MSANTD5: variants seen among roughly 807,000 people sequenced by gnomAD.
MSANTD5 encodes Myb/SANT DNA binding domain containing 5.
chr5:178,695,664 T>C (rs1158363865), intron 2 of MSANTD5, 66 bp from the exon 3 acceptor site: 2 of 152,178 alleles, frequency 1.3e-5, no homozygotes, highest in African/African-American at 4.8e-5. Context: ...GGATCCTGCC[T>C]CTACATGGAC....
At chr5:178,697,589 C>G (rs1046423591) in exon 1 of MSANTD5, 1 of 152,240 alleles carries the variant, frequency 6.6e-6, no homozygotes, top group Non-Finnish European at 1.5e-5. Context: ...AACTTGCCTC[C>G]ATTTTTACTC....
upstream of MSANTD5, among the ~76,000 whole-genome samples, chr5:178,701,143 T>C (rs1425326227): frequency 6.6e-6 from 1 of 151,992 alleles, no homozygotes; most frequent in Non-Finnish European, 1.5e-5. Context: ...CCGGCTAATT[T>C]TTTTTGTATT....
At chr5:178,698,948 T>C (rs1318015195), upstream of MSANTD5, among the ~76,000 whole-genome samples, 1 of 151,936 alleles carries the variant, frequency 6.6e-6, no homozygotes, top group East Asian at 1.9e-4. Context: ...CTTTGCTTCT[T>C]TCCATGTCAT....
At chr5:178,694,370 G>T (rs1401556296), downstream of MSANTD5, among the ~76,000 whole-genome samples, 1 of 150,786 alleles carries the variant, frequency 6.6e-6, no homozygotes, top group Non-Finnish European at 1.5e-5. Flanking sequence ...GGAAATGAAG[G>T]CAGGATTGAG....
upstream of MSANTD5, among the ~76,000 whole-genome samples, chr5:178,700,134 C>A (rs1384149988): frequency 6.6e-6 from 1 of 152,122 alleles, no homozygotes; most frequent in African/African-American, 2.4e-5. Context: ...TCCTGCAGGC[C>A]CCCGTCGCCC....
At chr5:178,697,322 CG>C (rs1430028494) in intron 1 of MSANTD5, among the ~76,000 whole-genome samples, 1 of 150,254 alleles carries the variant, frequency 6.7e-6, no homozygotes, top group Non-Finnish European at 1.5e-5. Context: ...GGCGTGGTGG[CG>C]GGCGCCTGTA....
At chr5:178,703,931 A>C in the MSANTD5 span, among the ~76,000 whole-genome samples, 5 of 151,126 alleles carry the variant, frequency 3.3e-5, no homozygotes, top group African/African-American at 1.2e-4. Context: ...CAGTGAGCCG[A>C]GATCACGCCA....
upstream of MSANTD5, among the ~76,000 whole-genome samples, chr5:178,701,262 C>A (rs948846423): frequency 3.9e-5 from 6 of 152,070 alleles, no homozygotes; most frequent in African/African-American, 1.2e-4. Context: ...CATGCGTGAG[C>A]CACGATGCCC....
upstream of MSANTD5, among the ~76,000 whole-genome samples, chr5:178,701,151 A>G (rs570253319): frequency 7.9e-4 from 119 of 151,486 alleles, 1 homozygote; most frequent in Non-Finnish European, 1.2e-3. Flanking sequence ...TTTTTTTTGT[A>G]TTTTTTTAGT....
downstream of MSANTD5, among the ~76,000 whole-genome samples, chr5:178,693,387 C>G (rs1765376382): frequency 6.6e-6 from 1 of 151,872 alleles, no homozygotes. Context: ...AGAATGAAGC[C>G]ATGTACCTTC....
the MSANTD5 span, among the ~76,000 whole-genome samples, chr5:178,704,733 T>C: frequency 1.3e-5 from 2 of 152,228 alleles, no homozygotes; most frequent in Non-Finnish European, 2.9e-5. Context: ...CCGGAAGAGT[T>C]GCTTTTGCAG....
rs1263396930 is a variant in MSANTD5 at position 178,696,197 on chromosome 5, GAT to G, written c.7-18_7-17del. On this transcript the variant is annotated splice_polypyrimidine_tract_variant and intron_variant, in intron 1 of 3. Transcript: ENST00000648368. ...GTATTACTATCTAATAAAAAAAAAA[GAT>G]AAATACATATTAGAATCTCTCTCTC... 13 of 151,658 alleles carry G rather than the reference GAT, an allele frequency of 8.6e-5. No homozygotes were observed. Among genetic ancestry groups the G allele is most frequent in the African/African-American group, 3.2e-4 (13 of 41,210 alleles). The allele number at this position is 151,658 out of a possible 1,614,324, so 9.4% of individuals were successfully genotyped here.
chr5:178,695,732 G>A (rs1765405728), intron 2 of MSANTD5, 134 bp from the exon 3 acceptor site: 2 of 152,196 alleles, frequency 1.3e-5, no homozygotes, highest in African/African-American at 2.4e-5. Flanking sequence ...AATGAGAAGT[G>A]AGAGATTCAG....
At chr5:178,697,457 AAT>A (rs1239604580) in intron 1 of MSANTD5, 127 bp downstream of exon 1, 1 of 152,364 alleles carries the variant, frequency 6.6e-6, no homozygotes, top group East Asian at 1.9e-4. Flanking sequence ...CCGTCTCAAA[AAT>A]ATAAATAAAT....
At chr5:178,694,541 C>T (rs1765390417), downstream of MSANTD5, 1 of 152,230 alleles carries the variant, frequency 6.6e-6, no homozygotes, top group Non-Finnish European at 1.5e-5. Flanking sequence ...AAGCCACAAG[C>T]ACAAGCCAGA....
upstream of MSANTD5, among the ~76,000 whole-genome samples, chr5:178,701,135 G>A (rs552310783): frequency 7.2e-5 from 11 of 152,142 alleles, no homozygotes; most frequent in African/African-American, 2.2e-4. Flanking sequence ...CACCACGCCC[G>A]GCTAATTTTT....
upstream of MSANTD5, among the ~76,000 whole-genome samples, chr5:178,702,490 G>A (rs111783227): frequency 7.3e-5 from 11 of 151,540 alleles, no homozygotes; most frequent in Admixed American, 3.3e-4. Flanking sequence ...TAGTAGAGAC[G>A]GGCTTTCACC....
chr5:178,698,541 C>G (rs569789319), upstream of MSANTD5, among the ~76,000 whole-genome samples: 3 of 152,212 alleles, frequency 2.0e-5, no homozygotes, highest in African/African-American at 4.8e-5. Flanking sequence ...TCTGAGAAGA[C>G]AGGGAAGGGG....
chr5:178,704,750 A>G, the MSANTD5 span, among the ~76,000 whole-genome samples: 1 of 152,236 alleles, frequency 6.6e-6, no homozygotes, highest in Admixed American at 6.5e-5. Context: ...GCAGATAAGG[A>G]GTCACTGTTT....
Sources: allele counts gnomAD v4.1 joint callset (sites outside exome capture counted in the v4.1 genomes callset), GRCh38; gene constraint gnomAD v4.1.1; transcripts MANE v1.5; gene names NCBI Gene and HGNC (gene_info 2026-07-23, HGNC 2026-07-21).